DIAPH2: variants seen among roughly 807,000 people sequenced by gnomAD.
DIAPH2 encodes the protein protein diaphanous homolog 2.
DIAPH2 carries 35 observed loss-of-function variants against 92.7 expected under a neutral mutation model. The ratio of observed to expected loss-of-function variants is 0.38; its 90% CI spans 0.29 to 0.50. DIAPH2 has a LOEUF of 0.50. Ranked by LOEUF, DIAPH2 falls within the 20% of genes least tolerant of loss-of-function variation. The probability of loss-of-function intolerance (pLI) is 0.94; values close to 1 mark genes in which losing one functional copy is unlikely to be tolerated. For synonymous variants in DIAPH2, 301 were observed against 280.4 expected, an observed-to-expected ratio of 1.07 and a Z score of -0.73; for missense variants, 701 against 819.5, an observed-to-expected ratio of 0.86 and a Z score of 1.77.
intron 19 of DIAPH2, among the ~76,000 whole-genome samples, chrX:97,095,332 G>T (rs1248699925): frequency 2.9e-5 from 3 of 104,751 alleles, no homozygotes; most frequent in Non-Finnish European, 5.8e-5. Context: ...TAGCCAGGAT[G>T]GTCTCGATCT....
At chrX:97,113,533 T>C (rs2066997255) in intron 20 of DIAPH2, among the ~76,000 whole-genome samples, 1 of 112,119 alleles carries the variant, frequency 8.9e-6, no homozygotes, top group Non-Finnish European at 1.9e-5. Flanking sequence ...CATGAAAGCA[T>C]ATAGGAGGAT....
At chrX:96,802,862 T>TA (rs2064594298) in intron 4 of DIAPH2, among the ~76,000 whole-genome samples, 1 of 111,798 alleles carries the variant, frequency 8.9e-6, no homozygotes, top group African/African-American at 3.3e-5. Context: ...CTTCAGTCTA[T>TA]GGCTGAAGGC....
At chrX:97,447,042 C>G (rs1305142926) in intron 26 of DIAPH2, among the ~76,000 whole-genome samples, 1 of 111,108 alleles carries the variant, frequency 9.0e-6, no homozygotes, top group African/African-American at 3.3e-5. Context: ...TTAGCTATGA[C>G]CTTTTCTTCT....
At chrX:96,942,202 T>A in intron 13 of DIAPH2, 66 bp downstream of exon 13, 1 of 647,659 alleles carries the variant, frequency 1.5e-6, no homozygotes. Flanking sequence ...AAGCACTTTT[T>A]AAGTGAAGAA....
intron 4 of DIAPH2, among the ~76,000 whole-genome samples, chrX:96,848,761 TG>T (rs768147284): frequency 3.4e-4 from 38 of 112,563 alleles, no homozygotes; most frequent in Admixed American, 2.5e-3. Context: ...GCATTACTGA[TG>T]TTTTTTTTGG....
At chrX:97,520,279 T>A (rs888865028) in intron 26 of DIAPH2, among the ~76,000 whole-genome samples, 2 of 112,357 alleles carry the variant, frequency 1.8e-5, no homozygotes, top group Admixed American at 1.9e-4. Flanking sequence ...CGTTTCCAAA[T>A]GTTGCATTTT....
rs1244829358 is a variant in DIAPH2 at position 97,601,050 on chromosome X, T to TGC, written c.*1734_*1735dup. 1 of 112,412 alleles carries TGC rather than the reference T, an allele frequency of 8.9e-6. No homozygotes were observed. The highest frequency in any genetic ancestry group is 1.9e-5 in the Non-Finnish European group (1 of 53,234). The allele number at this position is 112,412 out of a possible 1,213,427, so 9.3% of individuals were successfully genotyped here. On this transcript the variant is annotated 3_prime_UTR_variant, in exon 27 of 27. Coordinates refer to ENST00000324765, the MANE Select transcript of DIAPH2 (RefSeq NM_006729.5). The stretch of plus-strand genomic sequence containing the variant: ...ACACACATACACAAATGCACACACA[T>TGC]GCACACACACATTTAAGGGACATAG...
intron 24 of DIAPH2, among the ~76,000 whole-genome samples, chrX:97,352,741 G>A (rs933966375): frequency 9.4e-6 from 1 of 106,024 alleles, no homozygotes; most frequent in Admixed American, 1.0e-4. Flanking sequence ...ATGGTGGCAG[G>A]TGCCTGTAGT....
At position 97,311,179 on chromosome X, in the gene DIAPH2, T is replaced by A. The variant is rs2068790908; in HGVS notation, c.2845-36937T>A. Among the ~76,000 whole-genome samples, 3 of 111,199 alleles carry A rather than the reference T, an allele frequency of 2.7e-5. No homozygotes were observed. In the South Asian group the frequency reaches 1.1e-3, roughly 42 times the overall value. On this transcript the variant is annotated intron_variant, in intron 23 of 26. Coordinates refer to ENST00000324765, the MANE Select transcript of DIAPH2 (RefSeq NM_006729.5). Reference sequence around the variant, plus strand: ...GAATAATGTGTTAAGAACAGACTGATAAGCAAGGCAGATGGGAAGCAGGGA... The same window carrying A: ...GAATAATGTGTTAAGAACAGACTGAAAAGCAAGGCAGATGGGAAGCAGGGA...
chrX:97,511,905 G>A (rs1275230638), intron 26 of DIAPH2, among the ~76,000 whole-genome samples: 1 of 112,347 alleles, frequency 8.9e-6, no homozygotes, highest in South Asian at 3.5e-4. Context: ...GCTGGATTCG[G>A]TTTGCCAGTA....
rs190651815 is a variant in DIAPH2 at position 97,123,614 on chromosome X, C to G, written c.2589+8649C>G. 2.7e-5 allele frequency among the ~76,000 whole-genome samples: 3 copies of G among 112,050 alleles called. No individual in the cohort carries two copies. In the East Asian group the frequency reaches 8.4e-4, roughly 31 times the overall value. On this transcript the variant is annotated intron_variant, in intron 21 of 26. Transcript: ENST00000324765. ...AGATTGCTTCAGTCATCTGATTTCT[C>G]CACTAAATCAAGATACTTGGATACC... is the stretch of plus-strand genomic sequence containing the variant.
At chrX:97,141,524 A>G in intron 21 of DIAPH2, 141 bp from the exon 22 acceptor site, 4 of 510,116 alleles carry the variant, frequency 7.8e-6, no homozygotes, top group Non-Finnish European at 1.2e-5. Context: ...AATCTAGAGC[A>G]CCGCTACTAG....
rs1468174418 is a variant in DIAPH2, at chrX:97,162,689, G to C, written c.2719+20895G>C. Among the ~76,000 whole-genome samples, 2 of 110,262 alleles carry C rather than the reference G, an allele frequency of 1.8e-5. 1 individual carries two copies. Among genetic ancestry groups the C allele is most frequent in the African/African-American group, 6.6e-5 (2 of 30,351 alleles). On this transcript the variant is annotated intron_variant, in intron 22 of 26. Coordinates refer to ENST00000324765, the MANE Select transcript of DIAPH2 (RefSeq NM_006729.5). ...CCCAGCTAATTTTTGTTTTTTGTTT[G>C]TTTTTGGTAGAGACAGGATTTCGCC...
In DIAPH2 at chrX:96,728,513, T is replaced by C. The variant is rs187744506; in HGVS notation, c.133-7245T>C. 2.7e-5 allele frequency among the ~76,000 whole-genome samples: 3 copies of C among 112,126 alleles called. No individual in the cohort carries two copies. The Admixed American group carries it at 2.8e-4, about 11-fold the overall frequency. On this transcript the variant is annotated intron_variant, in intron 1 of 26. Transcript: ENST00000324765. The stretch of plus-strand genomic sequence containing the variant: ...GGTGTGAGCCACCAAGCCCAGCCTA[T>C]ATGGTTAGTTTTTACTCCCTGGTTA...
At chrX:97,195,954 C>A (rs2067700003) in intron 22 of DIAPH2, among the ~76,000 whole-genome samples, 1 of 111,017 alleles carries the variant, frequency 9.0e-6, no homozygotes, top group African/African-American at 3.3e-5. Context: ...AAAGAGAACA[C>A]AAGTTAATTA....
At chrX:97,302,624 C>A (rs958584578) in intron 23 of DIAPH2, among the ~76,000 whole-genome samples, 2 of 111,891 alleles carry the variant, frequency 1.8e-5, no homozygotes, top group East Asian at 5.6e-4. Flanking sequence ...AAAAAACTCT[C>A]TTATATATCC....
At chrX:97,475,638 CA>C in intron 26 of DIAPH2, among the ~76,000 whole-genome samples, 1 of 111,702 alleles carries the variant, frequency 9.0e-6, no homozygotes, top group East Asian at 2.8e-4. Context: ...GTAGATATTA[CA>C]GAGTGAAAAA....
At chrX:96,803,954 G>A (rs1481305515) in intron 4 of DIAPH2, among the ~76,000 whole-genome samples, 1 of 111,551 alleles carries the variant, frequency 9.0e-6, no homozygotes, top group Admixed American at 9.5e-5. Context: ...CAGGAGAATC[G>A]CTTGAACCCT....
intron 5 of DIAPH2, among the ~76,000 whole-genome samples, chrX:96,894,974 ATTTTTTTTT>A (rs766131166): frequency 1.7e-5 from 1 of 59,531 alleles, no homozygotes. Context: ...GTTTTTCTTA[ATTTTTTTTT>A]TTTTTTTTTT....
Sources: allele counts gnomAD v4.1 joint callset (sites outside exome capture counted in the v4.1 genomes callset), GRCh38; gene constraint gnomAD v4.1.1; transcripts MANE v1.5; gene names NCBI Gene and HGNC (gene_info 2026-07-23, HGNC 2026-07-21).